The following CDH2 variants were observed in gnomAD, a reference collection of about 807,000 sequenced individuals.
CDH2 encodes cadherin-2.
A neutral mutation model predicts 92.0 loss-of-function variants in CDH2; 17 were observed. That is an observed-to-expected ratio of 0.18 (90% CI 0.13 to 0.28). CDH2 has a LOEUF of 0.28. Ranked by LOEUF, CDH2 falls within the 10% of genes least tolerant of loss-of-function variation. CDH2 has a pLI of 1.00. For synonymous variants in CDH2, 419 were observed against 415.9 expected, an observed-to-expected ratio of 1.01 and a Z score of -0.09; for missense variants, 862 against 1,133.1, an observed-to-expected ratio of 0.76 and a Z score of 3.44.
intron 2 of CDH2, among the ~76,000 whole-genome samples, chr18:28,072,285 AAC>A: frequency 2.0e-5 from 3 of 152,192 alleles, no homozygotes; most frequent in Admixed American, 2.0e-4. Context: ...ACCTGTCCAC[AAC>A]ACTAGCCTTA....
At chr18:27,996,615 G>C (rs566960383) in intron 7 of CDH2, among the ~76,000 whole-genome samples, 1 of 152,102 alleles carries the variant, frequency 6.6e-6, no homozygotes, top group Non-Finnish European at 1.5e-5. Flanking sequence ...GTTATCAGTC[G>C]TATGTCTGTA....
At chr18:27,938,842 G>A (rs941463072) in intron 6 of CDH2, among the ~76,000 whole-genome samples, 1 of 152,110 alleles carries the variant, frequency 6.6e-6, no homozygotes, top group African/African-American at 2.4e-5. Context: ...GAAGCATGCA[G>A]GTATAAGCAA....
chr18:28,042,901 G>C (rs575779566), intron 2 of CDH2, among the ~76,000 whole-genome samples: 2 of 152,134 alleles, frequency 1.3e-5, no homozygotes, highest in Non-Finnish European at 2.9e-5. Context: ...GAAACATAAT[G>C]TTGATATTTG....
chr18:28,004,427 A>C (rs2012855204), intron 6 of CDH2, among the ~76,000 whole-genome samples: 1 of 152,170 alleles, frequency 6.6e-6, no homozygotes, highest in Admixed American at 6.5e-5. Flanking sequence ...GGATGTTTTC[A>C]AACTTATAGA....
chr18:28,044,741 C>A (rs2014037402), intron 2 of CDH2, among the ~76,000 whole-genome samples: 1 of 151,102 alleles, frequency 6.6e-6, no homozygotes, highest in South Asian at 2.1e-4. Flanking sequence ...TGGAAGCTTG[C>A]ACATGTTTTC....
At chr18:28,045,796 T>G (rs918298034) in intron 2 of CDH2, among the ~76,000 whole-genome samples, 3 of 152,158 alleles carry the variant, frequency 2.0e-5, no homozygotes, top group African/African-American at 7.2e-5. Context: ...GGTGCTCAGC[T>G]CAGAGCCCGG....
intron 2 of CDH2, among the ~76,000 whole-genome samples, chr18:28,127,258 A>C (rs992523112): frequency 5.3e-5 from 8 of 152,232 alleles, no homozygotes; most frequent in African/African-American, 9.6e-5. Context: ...AGGGGAAATA[A>C]TACTAAAATC....
At chr18:27,992,553 GA>G in intron 9 of CDH2, 101 bp downstream of exon 9, 5 of 977,694 alleles carry the variant, frequency 5.1e-6, no homozygotes, top group Non-Finnish European at 7.6e-6. Context: ...ATGTCTGAAA[GA>G]AAAACGTCCT....
intron 6 of CDH2, 136 bp downstream of exon 6, chr18:28,005,713 T>C: frequency 1.6e-6 from 1 of 609,698 alleles, no homozygotes; most frequent in Non-Finnish European, 2.7e-6. Flanking sequence ...ACCTTCCTTC[T>C]TTCCCAAAAG....
chr18:28,087,662 T>C (rs2014958772), intron 2 of CDH2, among the ~76,000 whole-genome samples: 1 of 152,168 alleles, frequency 6.6e-6, no homozygotes, highest in African/African-American at 2.4e-5. Flanking sequence ...TATTGTTATA[T>C]TAAAAATACT....
chr18:28,042,466 T>G (rs2013966587), intron 2 of CDH2, among the ~76,000 whole-genome samples: 1 of 152,154 alleles, frequency 6.6e-6, no homozygotes, highest in Non-Finnish European at 1.5e-5. Context: ...TTACAAATCT[T>G]GAAGTTTGAT....
intron 6 of CDH2, among the ~76,000 whole-genome samples, chr18:27,938,064 G>A (rs1203443145): frequency 5.9e-5 from 9 of 151,874 alleles, no homozygotes; most frequent in African/African-American, 1.9e-4. Flanking sequence ...CTGTCCTCGC[G>A]ATAGTGAGTT....
chr18:28,053,226 T>C (rs1230577411), intron 2 of CDH2, among the ~76,000 whole-genome samples: 2 of 152,204 alleles, frequency 1.3e-5, no homozygotes, highest in East Asian at 1.9e-4. Context: ...CACCATGTAA[T>C]TGTAGAGTTT....
intron 1 of CDH2, among the ~76,000 whole-genome samples, chr18:28,157,880 C>CA (rs1390599336): frequency 1.5e-4 from 23 of 152,250 alleles, no homozygotes; most frequent in African/African-American, 5.5e-4. Flanking sequence ...CCAAACTCTT[C>CA]TAAAAGTATA....
chr18:28,005,414 T>A (rs1411544312), intron 6 of CDH2, among the ~76,000 whole-genome samples: 1 of 152,164 alleles, frequency 6.6e-6, no homozygotes. Context: ...CGCCACCTAG[T>A]CCCAGGAACG....
chr18:27,969,787 C>T (rs1316832495), intron 14 of CDH2, among the ~76,000 whole-genome samples: 4 of 152,066 alleles, frequency 2.6e-5, no homozygotes, highest in Admixed American at 2.0e-4. Context: ...GAGGCCGAGG[C>T]GGGTGGATCA....
intron 2 of CDH2, among the ~76,000 whole-genome samples, chr18:28,050,467 AT>A: frequency 6.6e-6 from 1 of 152,258 alleles, no homozygotes; most frequent in East Asian, 1.9e-4. Flanking sequence ...CTTAAAAAAA[AT>A]TCCTGTAATG....
At chr18:28,169,560 CAT>C (rs2016434165) in intron 1 of CDH2, among the ~76,000 whole-genome samples, 1 of 152,148 alleles carries the variant, frequency 6.6e-6, no homozygotes, top group African/African-American at 2.4e-5. Flanking sequence ...TCTGGGCATA[CAT>C]GTTTTAAATT....
At chr18:28,122,920 C>T (rs1839040162) in intron 2 of CDH2, among the ~76,000 whole-genome samples, 2 of 151,998 alleles carry the variant, frequency 1.3e-5, no homozygotes, top group Admixed American at 1.3e-4. Flanking sequence ...ATAGGACAAC[C>T]TTTATCAAGA....
Sources: allele counts gnomAD v4.1 joint callset (sites outside exome capture counted in the v4.1 genomes callset), GRCh38; gene constraint gnomAD v4.1.1; transcripts MANE v1.5; gene names NCBI Gene and HGNC (gene_info 2026-07-23, HGNC 2026-07-21).